The following GABRG3 variants were observed in gnomAD, a reference collection of about 807,000 sequenced individuals.
GABRG3 encodes gamma-aminobutyric acid receptor subunit gamma-3.
Under a neutral mutation model 48.8 loss-of-function variants are expected in GABRG3, and 25 were observed. That is an observed-to-expected ratio of 0.51 (90% CI 0.37 to 0.72). The LOEUF is 0.72. Among genes scored for constraint, GABRG3 ranks in the 30% least tolerant of loss-of-function variants. The pLI is 0.00. For synonymous variants in GABRG3, 227 were observed against 217.6 expected, an observed-to-expected ratio of 1.04 and a Z score of -0.38; for missense variants, 394 against 577.9, an observed-to-expected ratio of 0.68 and a Z score of 3.26.
chr15:27,416,376 CT>C (rs1887939959), intron 5 of GABRG3, among the ~76,000 whole-genome samples: 1 of 152,130 alleles, frequency 6.6e-6, no homozygotes, highest in Non-Finnish European at 1.5e-5. Flanking sequence ...GAGTATTTCC[CT>C]GCCCTCAGGT....
Position 27,494,196 on chromosome 15 carries a change from T to A in GABRG3, c.712+13409T>A, listed in dbSNP as rs1890425564. 2.0e-5 allele frequency among the ~76,000 whole-genome samples: 3 copies of A among 152,232 alleles called. No homozygotes were observed. The South Asian group carries it at 6.2e-4, about 32-fold the overall frequency. On this transcript the variant is annotated intron_variant, in intron 6 of 9. Coordinates refer to ENST00000615808, the MANE Select transcript of GABRG3 (RefSeq NM_033223.5). ...ATTACTGAGGGTATAACTACTCTTA[T>A]AAATATTAATGCAAAATTCTTAAAA...
intron 3 of GABRG3, among the ~76,000 whole-genome samples, chr15:27,211,188 A>G (rs1427878677): frequency 6.6e-6 from 1 of 152,212 alleles, no homozygotes; most frequent in African/African-American, 2.4e-5. Flanking sequence ...AAGGCCCTCC[A>G]GGAGTGGATC....
intron 6 of GABRG3, among the ~76,000 whole-genome samples, chr15:27,500,878 G>C (rs1566868875): frequency 6.6e-6 from 1 of 151,700 alleles, no homozygotes; most frequent in South Asian, 2.1e-4. Context: ...TTATATAAGG[G>C]GGAATGGAAA....
At chr15:27,335,888 A>C (rs1025237391) in intron 5 of GABRG3, among the ~76,000 whole-genome samples, 36 of 152,246 alleles carry the variant, frequency 2.4e-4, no homozygotes, top group African/African-American at 8.4e-4. Flanking sequence ...CAATCCAGTT[A>C]GAAATGGGTA....
intron 3 of GABRG3, among the ~76,000 whole-genome samples, chr15:27,075,069 G>A (rs528645979): frequency 6.6e-6 from 1 of 152,294 alleles, no homozygotes; most frequent in South Asian, 2.1e-4. Context: ...TCAACTTCAA[G>A]TAAAATGTGA....
chr15:27,321,197 C>CG (rs1165343568), intron 3 of GABRG3, among the ~76,000 whole-genome samples: 1 of 152,222 alleles, frequency 6.6e-6, no homozygotes, highest in Non-Finnish European at 1.5e-5. Context: ...TCCCCTGGTG[C>CG]GGGGCCTTCA....
chr15:27,120,545 C>A (rs1372944473), intron 3 of GABRG3, among the ~76,000 whole-genome samples: 3 of 151,804 alleles, frequency 2.0e-5, no homozygotes, highest in African/African-American at 7.3e-5. Flanking sequence ...TATCTTTGGC[C>A]CCTGATAAAG....
At chr15:27,006,693 C>A (rs974279210) in intron 2 of GABRG3, among the ~76,000 whole-genome samples, 1 of 152,068 alleles carries the variant, frequency 6.6e-6, no homozygotes, top group African/African-American at 2.4e-5. Context: ...GTCTGTTGTT[C>A]CTTTCTATTT....
intron 5 of GABRG3, among the ~76,000 whole-genome samples, chr15:27,405,197 C>T (rs1474596932): frequency 6.6e-6 from 1 of 152,144 alleles, no homozygotes; most frequent in East Asian, 1.9e-4. Context: ...GATCCCTATA[C>T]ACATTACCTA....
intron 5 of GABRG3, among the ~76,000 whole-genome samples, chr15:27,410,870 G>A (rs1887776503): frequency 6.6e-6 from 1 of 151,726 alleles, no homozygotes; most frequent in African/African-American, 2.4e-5. Flanking sequence ...GTGTGTGTGT[G>A]TGTGTGTGTG....
At chr15:26,989,982 T>C (rs967458632) in intron 2 of GABRG3, among the ~76,000 whole-genome samples, 9 of 152,248 alleles carry the variant, frequency 5.9e-5, no homozygotes, top group African/African-American at 2.2e-4. Flanking sequence ...TGAATAGTAT[T>C]ACATTATGTA....
chr15:27,455,411 G>A (rs921630150), intron 5 of GABRG3, among the ~76,000 whole-genome samples: 4 of 150,540 alleles, frequency 2.7e-5, no homozygotes. Flanking sequence ...TGTGCTATGT[G>A]TGTGTGCATT....
At chr15:27,392,234 T>C (rs1887154847) in intron 5 of GABRG3, among the ~76,000 whole-genome samples, 1 of 152,198 alleles carries the variant, frequency 6.6e-6, no homozygotes, top group Non-Finnish European at 1.5e-5. Flanking sequence ...ATCCTTTTCA[T>C]CTACTACCCT....
intron 3 of GABRG3, among the ~76,000 whole-genome samples, chr15:27,324,592 C>T (rs909631700): frequency 6.6e-6 from 1 of 152,178 alleles, no homozygotes; most frequent in Non-Finnish European, 1.5e-5. Context: ...CTGCCATTTG[C>T]CCATGAAAGA....
chr15:27,513,324 C>A (rs887125438), intron 6 of GABRG3, among the ~76,000 whole-genome samples: 5 of 151,932 alleles, frequency 3.3e-5, no homozygotes, highest in Admixed American at 1.3e-4. Flanking sequence ...GTGGTGGGCG[C>A]CTGTAGTCCC....
At chr15:27,505,641 G>A (rs890598025) in intron 6 of GABRG3, among the ~76,000 whole-genome samples, 1 of 151,972 alleles carries the variant, frequency 6.6e-6, no homozygotes, top group Non-Finnish European at 1.5e-5. Flanking sequence ...CCTGTCATGT[G>A]GTGTGTGTGT....
At chr15:27,005,992 A>G (rs1895576870) in intron 2 of GABRG3, among the ~76,000 whole-genome samples, 1 of 152,216 alleles carries the variant, frequency 6.6e-6, no homozygotes, top group Non-Finnish European at 1.5e-5. Flanking sequence ...GCCTTTTACC[A>G]GTTCTAGGCA....
In GABRG3 at chr15:27,457,368, A is replaced by C. The variant is rs1453015449; in HGVS notation, c.575-23282A>C. The stretch of plus-strand genomic sequence containing the variant: ...ACGTTTTGTTTTTTGCGTTTGTAGA[A>C]ACATCACCTTCAGACCTACATCCAT... On this transcript the variant is annotated intron_variant, in intron 5 of 9. Coordinates refer to ENST00000615808, the MANE Select transcript of GABRG3 (RefSeq NM_033223.5). The surrounding 1 kb of genome is among the most constrained non-coding windows in gnomAD (Gnocchi z 4.4). 6.6e-6 allele frequency among the ~76,000 whole-genome samples: 1 copy of C among 152,164 alleles called. No individual in the cohort carries two copies. The highest frequency in any genetic ancestry group is 2.4e-5 in the African/African-American group (1 of 41,446).
chr15:26,971,566 C>T lies in GABRG3; in HGVS notation c.31C>T (p.Leu11=). ...CCCGAAGCTGCTGCTCCTCCTCTGCCTGTTCTCGGGCTTGCACGCGCGGTA... is the reference window on the plus strand; with the variant it reads ...CCCGAAGCTGCTGCTCCTCCTCTGCTTGTTCTCGGGCTTGCACGCGCGGTA... MAPKLLLLLC[L]FSGLHARSRK... The change falls in exon 1 of 10, where the codon CTG becomes TTG. Residue 11 remains leucine, a synonymous_variant. Transcript: ENST00000615808. 6.5e-7 allele frequency: 1 copy of T among 1,531,724 alleles called. No individual in the cohort carries two copies. Among genetic ancestry groups the T allele is most frequent in the Non-Finnish European group, 8.8e-7 (1 of 1,139,824 alleles). 94.9% of individuals were successfully genotyped at this position (1,531,724 alleles called of 1,614,324 possible).
Sources: gnomAD v4.1 joint callset for allele counts (sites outside exome capture counted in the v4.1 genomes callset) on GRCh38, gnomAD v4.1.1 for gene constraint, Gnocchi (gnomAD v3.1) non-coding constraint, MANE v1.5 for transcripts, NCBI Gene and HGNC (gene_info 2026-07-23, HGNC 2026-07-21) for gene names.